The following CA4 variants were observed in gnomAD, a reference collection of about 807,000 sequenced individuals.
CA4 encodes CA-IV.
Under a neutral mutation model 34.5 loss-of-function variants are expected in CA4, and 24 were observed. The ratio of observed to expected loss-of-function variants is 0.70; its 90% confidence interval spans 0.50 to 0.98. The LOEUF (loss-of-function observed/expected upper bound fraction) is 0.98. Among genes scored for constraint, CA4 ranks in the 50% least tolerant of loss-of-function variants. The pLI, the probability that CA4 is intolerant of heterozygous loss-of-function variation, is 0.00. For synonymous variants in CA4, 178 were observed against 170.6 expected (o/e 1.04, Z -0.34); for missense variants, 394 against 396.7 (o/e 0.99, Z 0.06).
downstream of CA4, among the ~76,000 whole-genome samples, chr17:60,164,246 T>G (rs1462153510): frequency 6.7e-6 from 1 of 149,282 alleles, no homozygotes; most frequent in East Asian, 2.0e-4. Flanking sequence ...CTTTCTTTCT[T>G]CCTTCCTTCC....
At chr17:60,164,621 C>T (rs1221781499) in intron 5 of CA4, among the ~76,000 whole-genome samples, 1 of 152,108 alleles carries the variant, frequency 6.6e-6, no homozygotes, top group Non-Finnish European at 1.5e-5. Flanking sequence ...GAACTCCTGA[C>T]CTCAGGTGAT....
the CA4 span, among the ~76,000 whole-genome samples, chr17:60,177,596 T>C: frequency 1.3e-5 from 2 of 152,220 alleles, no homozygotes; most frequent in African/African-American, 4.8e-5. Flanking sequence ...CACTTTTTAA[T>C]GGGAATGGAC....
intron 1 of CA4, among the ~76,000 whole-genome samples, chr17:60,154,492 C>T (rs1000580621): frequency 5.3e-5 from 8 of 152,164 alleles, no homozygotes; most frequent in Admixed American, 5.2e-4. Flanking sequence ...CTGGTGCAGC[C>T]TTTTAAAAAA....
chr17:60,157,954 T>C (rs778486512), intron 5 of CA4, 107 bp from the exon 6 acceptor site: 1 of 1,560,670 alleles, frequency 6.4e-7, no homozygotes, highest in South Asian at 1.2e-5. Context: ...GCCCAGAGCC[T>C]CAATCCCAGA....
At chr17:60,174,905 G>T (rs375886097), downstream of CA4, among the ~76,000 whole-genome samples, 24 of 152,324 alleles carry the variant, frequency 1.6e-4, no homozygotes, top group Middle Eastern at 6.8e-3. Flanking sequence ...GCCACCAAGT[G>T]GTGGAGAGAC....
the CA4 span, among the ~76,000 whole-genome samples, chr17:60,176,994 A>C: frequency 6.6e-6 from 1 of 152,186 alleles, no homozygotes; most frequent in Non-Finnish European, 1.5e-5. Flanking sequence ...CTCTAAATAC[A>C]GCTTGCCGCT....
chr17:60,157,091 G>A, intron 3 of CA4: 1 of 524,380 alleles, frequency 1.9e-6, no homozygotes, highest in Non-Finnish European at 3.4e-6. Context: ...CCCAAGGGCA[G>A]ATCACCCAGG....
At chr17:60,155,872 C>T (rs570240905) in intron 2 of CA4, among the ~76,000 whole-genome samples, 36 of 152,284 alleles carry the variant, frequency 2.4e-4, no homozygotes, top group African/African-American at 8.4e-4. Context: ...TGTTTCTATC[C>T]CAGTGACACC....
intron 5 of CA4, among the ~76,000 whole-genome samples, chr17:60,168,585 G>A (rs1359237612): frequency 6.6e-6 from 1 of 151,770 alleles, no homozygotes; most frequent in African/African-American, 2.4e-5. Flanking sequence ...GGGGAGGTGG[G>A]GAAGGTGATT....
rs1567725538 is a variant in CA4 at position 60,150,075 on chromosome 17, G to C, written c.41G>C (p.Arg14Pro). ...GCGCTCCTGGCCCTCTCCGCGGCGC[G>C]GCCATCGGCCAGTGCAGGTGAGCTC... is the stretch of plus-strand genomic sequence containing the variant. ...LLALLALSAA[R>P]PSASAESHWC... Residue 14 changes from arginine (R) to proline (P), a missense_variant, in exon 1 of 8, where the codon CGG (arginine) becomes CCG (proline). Transcript: ENST00000300900. The C allele has an allele frequency of 1.3e-6, 2 of 1,599,264 alleles. No individual in the cohort carries two copies. The highest frequency in any genetic ancestry group is 1.1e-5 in the South Asian group (1 of 90,890).
the CA4 span, among the ~76,000 whole-genome samples, chr17:60,176,982 G>A: frequency 2.1e-4 from 32 of 152,266 alleles, no homozygotes; most frequent in East Asian, 3.3e-3. Flanking sequence ...AAGGGGGAGC[G>A]GCTCTAAATA....
chr17:60,155,185 G>T, intron 1 of CA4, 129 bp from the exon 2 acceptor site: 3 of 802,328 alleles, frequency 3.7e-6, no homozygotes, highest in African/African-American at 1.7e-5. Context: ...CAATCCTGCT[G>T]CCAGGAACAC....
chr17:60,152,349 C>T (rs2145254158), intron 1 of CA4, among the ~76,000 whole-genome samples: 1 of 152,320 alleles, frequency 6.6e-6, no homozygotes, highest in South Asian at 2.1e-4. Flanking sequence ...GACCTGACCC[C>T]TGGCCTTGAC....
the CA4 span, among the ~76,000 whole-genome samples, chr17:60,178,458 C>G: frequency 2.2e-3 from 330 of 152,290 alleles, 4 homozygotes; most frequent in African/African-American, 7.5e-3. Context: ...GAATACATTT[C>G]TGAGGATACT....
At chr17:60,168,112 AGTGT>A (rs1044785658) in intron 5 of CA4, among the ~76,000 whole-genome samples, 1 of 151,476 alleles carries the variant, frequency 6.6e-6, no homozygotes, top group Non-Finnish European at 1.5e-5. Flanking sequence ...CTCTGAGTTC[AGTGT>A]GGCAACCACT....
At chr17:60,162,446 G>A (rs1329952906), downstream of CA4, among the ~76,000 whole-genome samples, 2 of 151,956 alleles carry the variant, frequency 1.3e-5, no homozygotes, top group African/African-American at 4.8e-5. Flanking sequence ...TCCCTCTGAG[G>A]GCGAGGGAGG....
chr17:60,166,446 T>G (rs1206410785), intron 5 of CA4, among the ~76,000 whole-genome samples: 1 of 152,226 alleles, frequency 6.6e-6, no homozygotes, highest in Non-Finnish European at 1.5e-5. Flanking sequence ...TAGATTTCTA[T>G]AAGTGAAGTT....
intron 5 of CA4, among the ~76,000 whole-genome samples, chr17:60,165,238 A>G (rs1001215582): frequency 2.0e-5 from 3 of 152,056 alleles, no homozygotes; most frequent in Non-Finnish European, 4.4e-5. Flanking sequence ...GAGAAAACTT[A>G]AGACCCTTCA....
intron 1 of CA4, among the ~76,000 whole-genome samples, chr17:60,152,579 G>T (rs762580324): frequency 6.6e-6 from 1 of 152,190 alleles, no homozygotes; most frequent in Admixed American, 6.6e-5. Context: ...GAGTTACAGG[G>T]GGCTCCACCC....
Sources: allele counts gnomAD v4.1 joint callset (sites outside exome capture counted in the v4.1 genomes callset), GRCh38; gene constraint gnomAD v4.1.1; transcripts MANE v1.5; gene names NCBI Gene and HGNC (gene_info 2026-07-23, HGNC 2026-07-21).